Variants in LIMCH1 observed in about 807,000 individuals in gnomAD.
LIMCH1 encodes LIM and calponin homology domains-containing protein 1.
In LIMCH1, 113 loss-of-function variants were observed where a neutral mutation model predicts 176.5. The observed-to-expected ratio is 0.64, with a 90% confidence interval of 0.55 to 0.75. The LOEUF is 0.75. Among genes scored for constraint, LIMCH1 ranks in the 30% least tolerant of loss-of-function variants. LIMCH1 has a pLI of 0.00. For missense variants in LIMCH1, 1,674 were observed against 1,814.9 expected (o/e 0.92, Z 1.41); for synonymous variants, 619 against 645.9 (o/e 0.96, Z 0.63).
At chr4:41,480,951 A>G (rs940451865) in intron 1 of LIMCH1, among the ~76,000 whole-genome samples, 1 of 152,084 alleles carries the variant, frequency 6.6e-6, no homozygotes, top group Non-Finnish European at 1.5e-5. Flanking sequence ...CATCTAGATC[A>G]TACAAGGGCT....
intron 2 of LIMCH1, among the ~76,000 whole-genome samples, chr4:41,502,779 C>T (rs939367922): frequency 6.6e-6 from 1 of 151,408 alleles, no homozygotes; most frequent in Non-Finnish European, 1.5e-5. Context: ...TTTTGGTGGT[C>T]GGGTTGGGGG....
intron 1 of LIMCH1, among the ~76,000 whole-genome samples, chr4:41,368,763 T>TAC (rs1215755497): frequency 2.4e-4 from 36 of 152,174 alleles, no homozygotes; most frequent in African/African-American, 8.2e-4. Context: ...TTCTTGAATA[T>TAC]TCCTTGCAGG....
At chr4:41,428,805 G>A (rs2061344025) in intron 1 of LIMCH1, among the ~76,000 whole-genome samples, 1 of 151,682 alleles carries the variant, frequency 6.6e-6, no homozygotes, top group Admixed American at 6.5e-5. Flanking sequence ...CTGGCAGTGA[G>A]TGAGAAGAGA....
chr4:41,661,436 C>G lies in LIMCH1; in HGVS notation c.3053C>G (p.Thr1018Arg). The change falls in exon 19 of 32, where the codon ACG becomes AGG. Residue 1018 changes from threonine to arginine, a missense_variant. Coordinates refer to ENST00000503057, the MANE Select transcript of LIMCH1 (RefSeq NM_001330672.2). ...CTTTTTCAGGCAACCACTGAGAAAA[C>G]GGAACCGAATAGTCAAGAGGACAAG... ...PQELAATTEK[T>R]EPNSQEDKND... is the part of the protein sequence containing the mutation. The G allele has an allele frequency of 6.2e-7, 1 of 1,610,736 alleles. No individual in the cohort carries two copies. The highest frequency in any genetic ancestry group is 8.5e-7 in the Non-Finnish European group (1 of 1,178,254).
At chr4:41,597,777 G>C (rs548999298) in intron 1 of LIMCH1, among the ~76,000 whole-genome samples, 1 of 152,300 alleles carries the variant, frequency 6.6e-6, no homozygotes, top group East Asian at 1.9e-4. Context: ...CAACTTGCTA[G>C]TGACATATCA....
intron 31 of LIMCH1, chr4:41,693,041 T>A (rs935277234): frequency 6.6e-6 from 1 of 152,236 alleles, no homozygotes. Flanking sequence ...CATGTTAGTT[T>A]GCGGGGCAGC....
intron 18 of LIMCH1, among the ~76,000 whole-genome samples, chr4:41,655,576 G>T (rs2094439484): frequency 6.6e-6 from 1 of 152,186 alleles, no homozygotes; most frequent in Non-Finnish European, 1.5e-5. Context: ...TCAACTTGTT[G>T]TTCCAATTGT....
chr4:41,675,282 G>C (rs754268213), intron 22 of LIMCH1, among the ~76,000 whole-genome samples: 1 of 150,976 alleles, frequency 6.6e-6, no homozygotes, highest in East Asian at 1.9e-4. Flanking sequence ...GATCTGTTGG[G>C]GGCCAGGCAG....
Position 41,561,641 on chromosome 4 carries a change from C to T in LIMCH1, c.-241+23291C>T, listed in dbSNP as rs551056325. Among the ~76,000 whole-genome samples, 182 of 152,240 alleles carry T rather than the reference C, an allele frequency of 1.2e-3. 1 individual carries two copies. Among genetic ancestry groups the T allele is most frequent in the Admixed American group, 3.3e-3 (51 of 15,278 alleles). ...ATTTCTTTAAGTCTCTCTTGCTCTTCAGTTCATATTCTTGGGCACTAAAAT... is the reference window on the plus strand; with the variant it reads ...ATTTCTTTAAGTCTCTCTTGCTCTTTAGTTCATATTCTTGGGCACTAAAAT... On this transcript the variant is annotated intron_variant, in intron 1 of 31. Transcript: ENST00000503057.
rs1295229955 is a variant in LIMCH1, at chr4:41,627,111, C to A, written c.1028+101C>A. Reference sequence around the variant, plus strand: ...TTAAGTGAAGTCAGTTTGTATTGTACCCCCTCCAGTTCCTCTTTCCAGCCT... The same window carrying A: ...TTAAGTGAAGTCAGTTTGTATTGTAACCCCTCCAGTTCCTCTTTCCAGCCT... On this transcript the variant is annotated intron_variant, in intron 8 of 31. Coordinates refer to ENST00000503057, the MANE Select transcript of LIMCH1 (RefSeq NM_001330672.2). The A allele has an allele frequency of 1.5e-5, 21 of 1,399,508 alleles. No individual in the cohort carries two copies. In the East Asian group the frequency reaches 4.8e-4, roughly 32 times the overall value. The allele number at this position is 1,399,508 out of a possible 1,614,324, so 86.7% of individuals were successfully genotyped here.
intron 1 of LIMCH1, among the ~76,000 whole-genome samples, chr4:41,414,378 C>G (rs1270721279): frequency 6.6e-6 from 1 of 152,124 alleles, no homozygotes. Context: ...CCGATCTACC[C>G]CCTTAAAAAC....
chr4:41,508,640 G>A (rs1583288652), intron 2 of LIMCH1, among the ~76,000 whole-genome samples: 1 of 152,284 alleles, frequency 6.6e-6, no homozygotes, highest in African/African-American at 2.4e-5. Context: ...TGTCTCCCCT[G>A]GGTCATGGGT....
chr4:41,593,981 AC>A (rs58103387), intron 1 of LIMCH1, among the ~76,000 whole-genome samples: 13,056 of 152,076 alleles, frequency 0.086, 1,810 homozygotes, highest in African/African-American at 0.3. Flanking sequence ...ATACATGCAT[AC>A]TTTTTTTGAA....
chr4:41,492,254 A>G (rs142157416), intron 1 of LIMCH1, among the ~76,000 whole-genome samples: 9,342 of 152,206 alleles, frequency 0.061, 324 homozygotes, highest in Non-Finnish European at 0.07. Flanking sequence ...TACAAAAACC[A>G]GTCAGGAGTG....
At chr4:41,565,587 C>T (rs1300126443) in intron 1 of LIMCH1, among the ~76,000 whole-genome samples, 1 of 151,990 alleles carries the variant, frequency 6.6e-6, no homozygotes, top group African/African-American at 2.4e-5. Flanking sequence ...TTGTATCTTT[C>T]TCTAAGAAGA....
chr4:41,483,725 C>T (rs2069044076), intron 1 of LIMCH1, among the ~76,000 whole-genome samples: 2 of 152,210 alleles, frequency 1.3e-5, no homozygotes, highest in African/African-American at 2.4e-5. Flanking sequence ...GTCTTTGTAT[C>T]TGCCTGGAGC....
chr4:41,602,350 G>A (rs1347667720), intron 2 of LIMCH1, among the ~76,000 whole-genome samples: 1 of 152,034 alleles, frequency 6.6e-6, no homozygotes, highest in Non-Finnish European at 1.5e-5. Context: ...AAATTTGGAA[G>A]TATTTCCACA....
intron 23 of LIMCH1, among the ~76,000 whole-genome samples, chr4:41,679,106 C>T (rs994787410): frequency 6.6e-6 from 1 of 152,150 alleles, no homozygotes; most frequent in Admixed American, 6.5e-5. Context: ...CAGTGGCTTC[C>T]CCATGAAGAC....
intron 2 of LIMCH1, among the ~76,000 whole-genome samples, chr4:41,513,186 T>A (rs2075141478): frequency 2.0e-5 from 3 of 152,102 alleles, no homozygotes. Flanking sequence ...AATAGTAACA[T>A]CAGACAAAGA....
Sources: allele counts gnomAD v4.1 joint callset (sites outside exome capture counted in the v4.1 genomes callset), GRCh38; gene constraint gnomAD v4.1.1; transcripts MANE v1.5; gene names NCBI Gene and HGNC (gene_info 2026-07-23, HGNC 2026-07-21).